WDR7: variants seen among roughly 807,000 people sequenced by gnomAD.
WDR7 encodes the protein WD repeat-containing protein 7.
In WDR7, 46 loss-of-function variants were observed where a neutral mutation model predicts 169.4. That is an observed-to-expected ratio of 0.27 (90% CI 0.21 to 0.35). WDR7 has a LOEUF of 0.35. Ranked by LOEUF, WDR7 falls within the 10% of genes least tolerant of loss-of-function variation. The probability of loss-of-function intolerance (pLI) is 1.00; values close to 1 mark genes in which losing one functional copy is unlikely to be tolerated. For synonymous variants in WDR7, 612 were observed against 666.8 expected, an observed-to-expected ratio of 0.92 and a Z score of 1.27; for missense variants, 1,534 against 1,859.3, an observed-to-expected ratio of 0.83 and a Z score of 3.22.
intron 21 of WDR7, among the ~76,000 whole-genome samples, chr18:56,920,213 C>T (rs150237556): frequency 6.6e-5 from 10 of 152,210 alleles, no homozygotes; most frequent in African/African-American, 2.4e-4. Context: ...TTTCCCTTCT[C>T]CTTTAACTGG....
intron 22 of WDR7, among the ~76,000 whole-genome samples, chr18:56,927,358 G>A (rs1231936291): frequency 6.6e-6 from 1 of 152,126 alleles, no homozygotes; most frequent in Non-Finnish European, 1.5e-5. Flanking sequence ...TGTAATCCCA[G>A]CACTTTGGGA....
At chr18:56,855,378 T>C (rs1490362640) in intron 20 of WDR7, among the ~76,000 whole-genome samples, 1 of 152,194 alleles carries the variant, frequency 6.6e-6, no homozygotes, top group Admixed American at 6.5e-5. Flanking sequence ...AAGATGCCTT[T>C]GATAAAGAGG....
chr18:56,960,233 A>G (rs1208806786), intron 25 of WDR7, among the ~76,000 whole-genome samples: 1 of 152,140 alleles, frequency 6.6e-6, no homozygotes, highest in African/African-American at 2.4e-5. Flanking sequence ...TACCATAAAT[A>G]ATGGTGTTTG....
chr18:56,851,699 TATGA>T (rs2045642984), intron 20 of WDR7, among the ~76,000 whole-genome samples: 1 of 152,172 alleles, frequency 6.6e-6, no homozygotes, highest in Non-Finnish European at 1.5e-5. Flanking sequence ...ATGTCAGGGT[TATGA>T]ATGATTTCTC....
chr18:56,935,830 C>A lies in WDR7; in HGVS notation c.3756C>A (p.Ala1252=), dbSNP rs746920107. 6.2e-7 allele frequency: 1 copy of A among 1,614,186 alleles called. No individual in the cohort carries two copies. The highest frequency in any genetic ancestry group is 1.1e-5 in the South Asian group (1 of 91,078). The change falls in exon 23 of 28, where the codon GCC becomes GCA. Residue 1252 remains alanine, a synonymous_variant. Coordinates refer to ENST00000254442, the MANE Select transcript of WDR7 (RefSeq NM_015285.3). ...GLPLSPAADS[A]RSARHALSLI... is the part of the protein sequence containing the mutation. ...CTCTGAGCCCAGCAGCTGACTCGGC[C>A]CGCTCTGCGAGGCATGCCCTCTCGC... is the stretch of plus-strand genomic sequence containing the variant.
At chr18:56,720,283 CA>C (rs199724416) in intron 13 of WDR7, among the ~76,000 whole-genome samples, 1 of 149,400 alleles carries the variant, frequency 6.7e-6, no homozygotes, top group Non-Finnish European at 1.5e-5. Context: ...TCTGTCTCTA[CA>C]AAAAAAAATA....
intron 26 of WDR7, among the ~76,000 whole-genome samples, chr18:56,997,758 G>A (rs1204887709): frequency 1.3e-5 from 2 of 152,112 alleles, no homozygotes; most frequent in African/African-American, 4.8e-5. Context: ...ATTACTTAGA[G>A]TATAAACAGA....
chr18:56,957,824 G>GT (rs2047277357), intron 25 of WDR7, among the ~76,000 whole-genome samples: 1 of 152,080 alleles, frequency 6.6e-6, no homozygotes, highest in African/African-American at 2.4e-5. Flanking sequence ...ATTGAAGAGT[G>GT]TTTCTTGTTG....
intron 12 of WDR7, among the ~76,000 whole-genome samples, chr18:56,716,565 C>T (rs975927165): frequency 6.6e-6 from 1 of 152,036 alleles, no homozygotes; most frequent in Admixed American, 6.6e-5. Flanking sequence ...AAAAATAAAG[C>T]TAAATCATGG....
At chr18:56,899,712 T>A (rs993369439) in intron 21 of WDR7, among the ~76,000 whole-genome samples, 6 of 151,442 alleles carry the variant, frequency 4.0e-5, no homozygotes, top group Admixed American at 1.3e-4. Flanking sequence ...TTTATTGTTT[T>A]AAAAAAAAAT....
chr18:56,765,104 A>G (rs1182784604), intron 16 of WDR7, among the ~76,000 whole-genome samples: 4 of 151,966 alleles, frequency 2.6e-5, no homozygotes, highest in Non-Finnish European at 5.9e-5. Context: ...ATCTTTTCTC[A>G]TCCTTTTACT....
At chr18:56,891,938 T>C (rs972736449) in intron 21 of WDR7, among the ~76,000 whole-genome samples, 11 of 152,092 alleles carry the variant, frequency 7.2e-5, no homozygotes, top group Non-Finnish European at 1.0e-4. Flanking sequence ...TAAGTTCAGA[T>C]TGGATGGAAG....
chr18:56,939,466 G>A, intron 25 of WDR7, 73 bp downstream of exon 25: 1 of 1,055,254 alleles, frequency 9.5e-7, no homozygotes, highest in Middle Eastern at 2.2e-4. Flanking sequence ...TTTTGGCATG[G>A]TGTTAGTAGT....
intron 9 of WDR7, among the ~76,000 whole-genome samples, chr18:56,693,483 A>G (rs913348509): frequency 1.2e-4 from 18 of 150,866 alleles, no homozygotes; most frequent in African/African-American, 4.4e-4. Context: ...AAAACATGAT[A>G]TGCTATTAGT....
At chr18:57,032,645 G>GC (rs2048446996), downstream of WDR7, 1 of 152,054 alleles carries the variant, frequency 6.6e-6, no homozygotes, top group South Asian at 2.1e-4. Context: ...TGTGAACTGA[G>GC]CATGTGAGGG....
intron 27 of WDR7, 49 bp downstream of exon 27, chr18:57,020,898 C>A: frequency 6.5e-7 from 1 of 1,542,260 alleles, no homozygotes; most frequent in Non-Finnish European, 8.9e-7. Flanking sequence ...CGTGATATGC[C>A]TTTGGTAGTA....
intron 25 of WDR7, among the ~76,000 whole-genome samples, chr18:56,944,598 T>C (rs982389343): frequency 6.6e-6 from 1 of 152,166 alleles, no homozygotes; most frequent in African/African-American, 2.4e-5. Flanking sequence ...AAAGCATCTA[T>C]ACAAAAAATT....
intron 27 of WDR7, among the ~76,000 whole-genome samples, chr18:57,022,734 T>A (rs186869629): frequency 2.0e-5 from 3 of 152,368 alleles, no homozygotes; most frequent in African/African-American, 7.2e-5. Flanking sequence ...AGGTCACTGA[T>A]GGGATTATGG....
rs2046770885 is a variant in WDR7 at position 56,924,200 on chromosome 18, G to A, written c.3713+92G>A. 5.0e-6 allele frequency: 7 copies of A among 1,400,870 alleles called. No individual in the cohort carries two copies. The East Asian group carries it at 1.5e-4, about 30-fold the overall frequency. The allele number at this position is 1,400,870 out of a possible 1,614,324, so 86.8% of individuals were successfully genotyped here. A position where few individuals can be genotyped will look rare whatever the true frequency, so the allele number is the denominator to read the frequency against. ...TTATTGATCATTCTGTATAGATTGT[G>A]CATGTTTAATAGATAAAAAATACAC... On this transcript the variant is annotated intron_variant, in intron 22 of 27. Transcript: ENST00000254442.
Sources: allele counts gnomAD v4.1 joint callset (sites outside exome capture counted in the v4.1 genomes callset), GRCh38; gene constraint gnomAD v4.1.1; transcripts MANE v1.5; gene names NCBI Gene and HGNC (gene_info 2026-07-23, HGNC 2026-07-21).